Variants in CTNNB1 observed in about 807,000 individuals in gnomAD.
CTNNB1 encodes the protein catenin beta 1.
Under a neutral mutation model 82.5 loss-of-function variants are expected in CTNNB1, and 6 were observed. That is an observed-to-expected ratio of 0.07 (90% CI 0.04 to 0.14). CTNNB1 has a LOEUF of 0.14. CTNNB1 is among the 10% of genes least tolerant of loss of function. CTNNB1 has a pLI of 1.00. For missense variants in CTNNB1, 529 were observed against 980.4 expected (o/e 0.54, Z 6.15); for synonymous variants, 312 against 329.7 (o/e 0.95, Z 0.58).
At position 41,239,293 on chromosome 3, in the gene CTNNB1, T is replaced by C. The variant is rs1237849101; in HGVS notation, c.2297T>C (p.Leu766Pro). Residue 766 changes from leucine to proline, a missense_variant, in exon 15 of 15, where the codon CTG becomes CCG. This residue lies in a region of CTNNB1 where 102 missense variants were observed against 130.8 expected (regional missense o/e 0.78). Coordinates refer to ENST00000349496, the MANE Select transcript of CTNNB1 (RefSeq NM_001904.4). ...CATGCCCAGGACCTCATGGATGGGC[T>C]GCCTCCAGGTGACAGCAATCAGCTG... Reference protein sequence around the residue: ...LGHAQDLMDGLPPGDSNQLAW... With the variant: ...LGHAQDLMDGPPPGDSNQLAW... 6.2e-7 allele frequency: 1 copy of C among 1,614,186 alleles called. No individual in the cohort carries two copies. The highest frequency in any genetic ancestry group is 1.1e-5 in the South Asian group (1 of 91,090).
At chr3:41,209,334 T>C (rs1268799846) in intron 1 of CTNNB1, among the ~76,000 whole-genome samples, 4 of 152,292 alleles carry the variant, frequency 2.6e-5, no homozygotes, top group African/African-American at 9.6e-5. Flanking sequence ...TTGGTCAGCA[T>C]TTTGGATGTC....
At chr3:41,234,400 T>A in intron 10 of CTNNB1, 103 bp downstream of exon 10, 1 of 1,133,636 alleles carries the variant, frequency 8.8e-7, no homozygotes, top group South Asian at 1.3e-5. Flanking sequence ...CCATCCGTCT[T>A]CCTGAAGAGC....
chr3:41,213,106 C>T (rs1422849014), intron 1 of CTNNB1, among the ~76,000 whole-genome samples: 1 of 152,194 alleles, frequency 6.6e-6, no homozygotes, highest in African/African-American at 2.4e-5. Flanking sequence ...ACTTTTCTTA[C>T]CAAAGGCTAG....
chr3:41,217,543 C>T (rs994403831), intron 1 of CTNNB1, among the ~76,000 whole-genome samples: 6 of 152,132 alleles, frequency 3.9e-5, no homozygotes, highest in African/African-American at 1.4e-4. Flanking sequence ...ATCTTTTTCT[C>T]TATGAATGCC....
At chr3:41,206,772 A>G (rs1257689218) in intron 1 of CTNNB1, among the ~76,000 whole-genome samples, 1 of 152,008 alleles carries the variant, frequency 6.6e-6, no homozygotes, top group African/African-American at 2.4e-5. Context: ...ATATTTTTCA[A>G]TCCAAGTAAC....
At chr3:41,201,130 C>G (rs192814804) in intron 1 of CTNNB1, among the ~76,000 whole-genome samples, 2 of 152,174 alleles carry the variant, frequency 1.3e-5, no homozygotes, top group Admixed American at 1.3e-4. Flanking sequence ...GTATTTGTCA[C>G]TTGGTGAACG....
intron 1 of CTNNB1, among the ~76,000 whole-genome samples, chr3:41,203,545 ATG>A (rs940866594): frequency 1.3e-5 from 2 of 152,204 alleles, no homozygotes; most frequent in Non-Finnish European, 2.9e-5. Flanking sequence ...ATTAATGAAA[ATG>A]TGAATTGTCA....
In CTNNB1 at chr3:41,225,953, C is replaced by T. The variant is rs2078165474; in HGVS notation, c.936+92C>T. On this transcript the variant is annotated intron_variant, in intron 6 of 14. Coordinates refer to ENST00000349496, the MANE Select transcript of CTNNB1 (RefSeq NM_001904.4). This position sits in a 1 kb window ranked among gnomAD's most constrained non-coding sequence, Gnocchi z 5.3. ...TGCAGTGTTCCTAACCTTTTTGGCA[C>T]CAGGGACCAGTTTCGTGGAAAACAG... The T allele has an allele frequency of 8.2e-6, 10 of 1,213,264 alleles. No homozygotes were observed. The highest frequency in any genetic ancestry group is 5.7e-5 in the Admixed American group (3 of 52,388). 75.2% of individuals were successfully genotyped at this position (1,213,264 alleles called of 1,614,324 possible). A position where few individuals can be genotyped will look rare whatever the true frequency, so the allele number is the denominator to read the frequency against.
chr3:41,222,977 A>G (rs2078085123), intron 1 of CTNNB1, among the ~76,000 whole-genome samples: 1 of 152,218 alleles, frequency 6.6e-6, no homozygotes, highest in Admixed American at 6.5e-5. Context: ...CATCTGAGAT[A>G]GGAAAATCAC....
intron 7 of CTNNB1, among the ~76,000 whole-genome samples, chr3:41,232,862 C>T (rs2078342999): frequency 6.6e-6 from 1 of 152,096 alleles, no homozygotes; most frequent in South Asian, 2.1e-4. Flanking sequence ...TATTTTTCTC[C>T]ATAGCCCTTT....
At chr3:41,204,864 A>G (rs2125586119) in intron 1 of CTNNB1, among the ~76,000 whole-genome samples, 1 of 152,368 alleles carries the variant, frequency 6.6e-6, no homozygotes, top group Non-Finnish European at 1.5e-5. Flanking sequence ...TTTAGCAGAT[A>G]ACATTGTTAA....
At chr3:41,222,706 A>C (rs1332265078) in intron 1 of CTNNB1, among the ~76,000 whole-genome samples, 1 of 152,216 alleles carries the variant, frequency 6.6e-6, no homozygotes, top group Non-Finnish European at 1.5e-5. Context: ...AGTACTATAA[A>C]AAAATGTTCC....
In CTNNB1 at chr3:41,239,199, A is replaced by G. The variant is rs1405010887; in HGVS notation, c.2203A>G (p.Met735Val). Residue 735 changes from methionine (M) to valine (V), a missense_variant, in exon 15 of 15, where the codon ATG becomes GTG. By Grantham distance (21) the Met-to-Val change is conservative. Around this residue, in one of 4 missense-constraint regions of CTNNB1, gnomAD observed 102 missense variants for 130.8 expected, o/e 0.78. Transcript: ENST00000349496. ...GQDALGMDPM[M>V]EHEMGGHHPG... is the part of the protein sequence containing the mutation. ...GGATGCCTTGGGTATGGACCCCATG[A>G]TGGAACATGAGATGGGTGGCCACCA... The G allele has an allele frequency of 6.2e-7, 1 of 1,614,140 alleles. No individual in the cohort carries two copies. The highest frequency in any genetic ancestry group is 1.1e-5 in the South Asian group (1 of 91,084).
chr3:41,236,805 G>T (rs2078448131), intron 13 of CTNNB1, 96 bp downstream of exon 13: 9 of 1,507,606 alleles, frequency 6.0e-6, no homozygotes, highest in Non-Finnish European at 6.4e-6. Context: ...ACATTCATTT[G>T]CATTGATGTT....
rs1207330730 is a variant in CTNNB1, at chr3:41,239,986, CTTTTTT to C, written c.*664_*669del. 975 of 32,650 alleles carry C rather than the reference CTTTTTT, an allele frequency of 0.03. 10 individuals are homozygous for C. Among genetic ancestry groups the C allele is most frequent in the African/African-American group, 0.069 (617 of 8,916 alleles). The allele number at this position is 32,650 out of a possible 1,614,324, so 2.0% of individuals were successfully genotyped here. On this transcript the variant is annotated 3_prime_UTR_variant, in exon 15 of 15. Coordinates refer to ENST00000349496, the MANE Select transcript of CTNNB1 (RefSeq NM_001904.4). The stretch of plus-strand genomic sequence containing the variant: ...TGACTTTGCTTGCTTTGAAGTAGCT[CTTTTTT>C]TTTTTTTTTTTTTTTTTTTGCAGTA...
intron 1 of CTNNB1, among the ~76,000 whole-genome samples, chr3:41,223,023 T>TA: frequency 6.6e-6 from 1 of 152,186 alleles, no homozygotes; most frequent in East Asian, 1.9e-4. Context: ...GTGAGCCCAG[T>TA]ATGCACCTCT....
intron 1 of CTNNB1, among the ~76,000 whole-genome samples, chr3:41,219,317 T>C (rs938104764): frequency 6.6e-6 from 1 of 152,210 alleles, no homozygotes; most frequent in Non-Finnish European, 1.5e-5. Flanking sequence ...AGTTACTCAT[T>C]GGTGAGACTA....
In CTNNB1 at chr3:41,225,919, G is replaced by A. The variant is rs1414150505; in HGVS notation, c.936+58G>A. 21 of 1,492,366 alleles carry A rather than the reference G, an allele frequency of 1.4e-5. No individual in the cohort carries two copies. Among genetic ancestry groups the A allele is most frequent in the East Asian group, 2.3e-5 (1 of 43,966 alleles). 92.4% of individuals were successfully genotyped at this position (1,492,366 alleles called of 1,614,324 possible). ...GAGCATTGGACACCTCCAGTGTCAT[G>A]TCATTCCATGCAGTGTTCCTAACCT... On this transcript the variant is annotated intron_variant, in intron 6 of 14. Transcript: ENST00000349496. This position sits in a 1 kb window ranked among gnomAD's most constrained non-coding sequence, Gnocchi z 5.3.
At chr3:41,218,971 C>T (rs2077977740) in intron 1 of CTNNB1, among the ~76,000 whole-genome samples, 1 of 152,202 alleles carries the variant, frequency 6.6e-6, no homozygotes, top group Admixed American at 6.5e-5. Flanking sequence ...CATACTTTTA[C>T]TTCATAAACT....
Sources: gnomAD v4.1 joint callset for allele counts (sites outside exome capture counted in the v4.1 genomes callset) on GRCh38, gnomAD v4.1.1 for gene constraint, gnomAD v4.1.1 regional missense constraint, Gnocchi (gnomAD v3.1) non-coding constraint, MANE v1.5 for transcripts, NCBI Gene and HGNC (gene_info 2026-07-23, HGNC 2026-07-21) for gene names.